The following MTUS2 variants were observed in gnomAD, a reference collection of about 807,000 sequenced individuals.
MTUS2 encodes the protein microtubule associated scaffold protein 2, also known as microtubule-associated tumor suppressor candidate 2.
MTUS2 carries 40 observed loss-of-function variants against 114.1 expected under a neutral mutation model. The ratio of observed to expected loss-of-function variants is 0.35; its 90% CI spans 0.27 to 0.46. The LOEUF is 0.46. MTUS2 is among the 20% of genes least tolerant of loss of function. The pLI is 1.00. For synonymous variants in MTUS2, 688 were observed against 672.0 expected, an observed-to-expected ratio of 1.02 and a Z score of -0.37; for missense variants, 1,679 against 1,705.4, an observed-to-expected ratio of 0.98 and a Z score of 0.27.
intron 4 of MTUS2, among the ~76,000 whole-genome samples, chr13:29,038,248 A>G (rs895416217): frequency 6.6e-6 from 1 of 152,044 alleles, no homozygotes; most frequent in African/African-American, 2.4e-5. Flanking sequence ...CTTTTTGTTG[A>G]TGTTGATATT....
At chr13:29,375,623 AT>A (rs573274674) in intron 8 of MTUS2, among the ~76,000 whole-genome samples, 105 of 10,214 alleles carry the variant, frequency 0.01, 24 homozygotes, top group South Asian at 0.049. Flanking sequence ...ATATATATAT[AT>A]ATATATATAT....
intron 2 of MTUS2, among the ~76,000 whole-genome samples, chr13:28,947,320 T>C (rs1882583440): frequency 6.6e-6 from 1 of 152,176 alleles, no homozygotes; most frequent in African/African-American, 2.4e-5. Flanking sequence ...AACCTGGAAC[T>C]GAATTAAAGA....
At chr13:29,269,245 C>T (rs1054732141) in intron 5 of MTUS2, among the ~76,000 whole-genome samples, 19 of 152,192 alleles carry the variant, frequency 1.2e-4, no homozygotes, top group African/African-American at 4.3e-4. Context: ...AAGAATCTGC[C>T]TTTCCCTACT....
chr13:29,493,699 T>C (rs2138988523), intron 12 of MTUS2, among the ~76,000 whole-genome samples: 1 of 152,316 alleles, frequency 6.6e-6, no homozygotes, highest in Admixed American at 6.5e-5. Context: ...CGTTGGCCAA[T>C]GAACCCCAGA....
chr13:29,021,946 C>T (rs1221778725), intron 2 of MTUS2, among the ~76,000 whole-genome samples: 1 of 151,992 alleles, frequency 6.6e-6, no homozygotes, highest in East Asian at 1.9e-4. Flanking sequence ...GGAGATAAGG[C>T]TGGTAGAAGA....
intron 2 of MTUS2, among the ~76,000 whole-genome samples, chr13:29,004,226 G>A (rs1217558869): frequency 6.7e-6 from 1 of 149,004 alleles, no homozygotes; most frequent in Non-Finnish European, 1.5e-5. Context: ...GCATGTACAT[G>A]CATTAACTGA....
At chr13:29,161,743 G>A (rs7997763) in intron 5 of MTUS2, among the ~76,000 whole-genome samples, 107,540 of 152,096 alleles carry the variant, frequency 0.71, 38,076 homozygotes, top group Non-Finnish European at 0.73. Flanking sequence ...TAACTGCGGC[G>A]CCAGTTCTCA....
intron 4 of MTUS2, among the ~76,000 whole-genome samples, chr13:29,048,951 T>C (rs1181967389): frequency 1.3e-5 from 2 of 152,212 alleles, no homozygotes; most frequent in Non-Finnish European, 2.9e-5. Context: ...TGGAGTAAAG[T>C]TATATCACTG....
chr13:29,382,528 A>G (rs1025253053), intron 8 of MTUS2, among the ~76,000 whole-genome samples: 2 of 152,214 alleles, frequency 1.3e-5, no homozygotes, highest in African/African-American at 4.8e-5. Context: ...CTTTGGCCCA[A>G]AAGAGTGGAA....
chr13:29,052,651 T>C lies in MTUS2; in HGVS notation c.2446+18526T>C, dbSNP rs536632870. On this transcript the variant is annotated intron_variant, in intron 4 of 15. Transcript: ENST00000612955. ...AGCTATTGTCCCAAACAATGAAAGA[T>C]GCCTATTGTAAGACTGTGGGGAGAA... 5.9e-5 allele frequency among the ~76,000 whole-genome samples: 9 copies of C among 152,294 alleles called. No individual in the cohort carries two copies. The South Asian group carries it at 1.9e-3, about 32-fold the overall frequency.
intron 9 of MTUS2, among the ~76,000 whole-genome samples, chr13:29,460,493 A>T (rs1566213480): frequency 6.6e-6 from 1 of 152,128 alleles, no homozygotes; most frequent in Non-Finnish European, 1.5e-5. Context: ...TTTAGGTCCA[A>T]GTTTACTTTC....
chr13:29,429,733 C>G (rs1043161762), intron 8 of MTUS2, among the ~76,000 whole-genome samples: 7 of 152,124 alleles, frequency 4.6e-5, no homozygotes, highest in African/African-American at 1.7e-4. Context: ...TGGGATTTCA[C>G]AATTGAATTG....
At chr13:29,395,452 C>A (rs1443879851) in intron 8 of MTUS2, among the ~76,000 whole-genome samples, 1 of 152,004 alleles carries the variant, frequency 6.6e-6, no homozygotes, top group Non-Finnish European at 1.5e-5. Context: ...AGAGACGTCT[C>A]CTTGATTGTC....
chr13:29,237,918 AT>A (rs1268597372), intron 5 of MTUS2, among the ~76,000 whole-genome samples: 2 of 152,208 alleles, frequency 1.3e-5, no homozygotes, highest in Non-Finnish European at 2.9e-5. Context: ...ATAAGTGCTC[AT>A]AAGAATGTAA....
At chr13:29,364,980 C>T (rs1870579544) in intron 8 of MTUS2, among the ~76,000 whole-genome samples, 1 of 152,208 alleles carries the variant, frequency 6.6e-6, no homozygotes, top group Non-Finnish European at 1.5e-5. Flanking sequence ...GACAGCTATT[C>T]AGCACATAAC....
chr13:28,929,498 C>T (rs1240422036), intron 2 of MTUS2, among the ~76,000 whole-genome samples: 2 of 151,898 alleles, frequency 1.3e-5, no homozygotes, highest in Non-Finnish European at 2.9e-5. Context: ...CTGAGAAGGC[C>T]TGAAACTTGA....
chr13:28,936,584 T>C (rs1290557840), intron 2 of MTUS2, among the ~76,000 whole-genome samples: 6 of 152,164 alleles, frequency 3.9e-5, no homozygotes, highest in Non-Finnish European at 7.3e-5. Flanking sequence ...CTCTGGAACC[T>C]GCAGCTACTC....
chr13:29,255,680 A>G (rs1333188422), intron 5 of MTUS2, among the ~76,000 whole-genome samples: 1 of 150,854 alleles, frequency 6.6e-6, no homozygotes, highest in Non-Finnish European at 1.5e-5. Context: ...ACTCCTATCT[A>G]TGAGGCTGAG....
intron 9 of MTUS2, among the ~76,000 whole-genome samples, chr13:29,450,917 G>A (rs1278991523): frequency 2.6e-5 from 4 of 152,058 alleles, no homozygotes; most frequent in African/African-American, 4.8e-5. Context: ...CCTACATACC[G>A]AACAATAGAG....
Sources: gnomAD v4.1 joint callset for allele counts (sites outside exome capture counted in the v4.1 genomes callset) on GRCh38, gnomAD v4.1.1 for gene constraint, MANE v1.5 for transcripts, NCBI Gene and HGNC (gene_info 2026-07-23, HGNC 2026-07-21) for gene names.